ABLIM2: variants seen among roughly 807,000 people sequenced by gnomAD.
ABLIM2 encodes actin binding LIM protein family member 2, also known as actin-binding LIM protein 2.
A neutral mutation model predicts 97.7 loss-of-function variants in ABLIM2; 53 were observed. That is an observed-to-expected ratio of 0.54 (90% CI 0.44 to 0.68). ABLIM2 has a LOEUF of 0.68. Ranked by LOEUF, ABLIM2 falls within the 30% of genes least tolerant of loss-of-function variation. The pLI is 0.00. For missense variants in ABLIM2, 835 were observed against 867.2 expected, an observed-to-expected ratio of 0.96 and a Z score of 0.47; for synonymous variants, 361 against 345.8, an observed-to-expected ratio of 1.04 and a Z score of -0.49.
intron 15 of ABLIM2, among the ~76,000 whole-genome samples, chr4:8,008,487 C>T (rs527274779): frequency 6.6e-6 from 1 of 152,332 alleles, no homozygotes; most frequent in South Asian, 2.1e-4. Flanking sequence ...GGGCTCTGCA[C>T]GGGGAGAATG....
At position 8,091,330 on chromosome 4, in the gene ABLIM2, T is replaced by TA. The variant is rs375937738; in HGVS notation, c.339-3047_339-3046insT. On this transcript the variant is annotated intron_variant, in intron 3 of 20. Coordinates refer to ENST00000447017, the MANE Select transcript of ABLIM2 (RefSeq NM_001130083.2). Reference sequence around the variant, plus strand: ...TTATATATATATAATTATATATATATTATATATATAATATATATATAATTA... The same window carrying TA: ...TTATATATATATAATTATATATATATATATATATATAATATATATATAATTA... 2.1e-4 allele frequency among the ~76,000 whole-genome samples: 10 copies of TA among 46,768 alleles called. 2 individuals carry two copies. Among genetic ancestry groups the TA allele is most frequent in the South Asian group, 4.6e-4 (1 of 2,170 alleles). 30.7% of individuals were successfully genotyped at this position (46,768 alleles called of 152,430 possible). A position where few individuals can be genotyped will look rare whatever the true frequency, so the allele number is the denominator to read the frequency against.
intron 2 of ABLIM2, among the ~76,000 whole-genome samples, chr4:8,102,466 C>T (rs146696257): frequency 1.2e-4 from 19 of 152,332 alleles, no homozygotes; most frequent in Non-Finnish European, 1.9e-4. Flanking sequence ...ATCCCCATAA[C>T]GGGATGTCTG....
At chr4:8,011,589 C>T (rs757081190) in intron 14 of ABLIM2, among the ~76,000 whole-genome samples, 1 of 152,212 alleles carries the variant, frequency 6.6e-6, no homozygotes. Flanking sequence ...ACTCAGCTTA[C>T]AGGTTTGAAA....
intron 6 of ABLIM2, among the ~76,000 whole-genome samples, chr4:8,074,577 T>G (rs955342491): frequency 6.6e-6 from 1 of 152,176 alleles, no homozygotes; most frequent in Admixed American, 6.5e-5. Context: ...TAGAAAGCAA[T>G]TTATAGTAAC....
chr4:7,992,505 G>A lies in ABLIM2; in HGVS notation c.1680+361C>T, dbSNP rs544871570. 5.9e-5 allele frequency among the ~76,000 whole-genome samples: 9 copies of A among 152,208 alleles called. 1 individual carries two copies. The South Asian group carries it at 1.9e-3, about 32-fold the overall frequency. ...TCACACTGGCTCACCAAATGCAACA[G>A]CCCTTGGTTATCAGGCTCTGTGCCA... On this transcript the variant is annotated intron_variant, in intron 17 of 20. Coordinates refer to ENST00000447017, the MANE Select transcript of ABLIM2 (RefSeq NM_001130083.2). This position sits in a 1 kb window ranked among gnomAD's most constrained non-coding sequence, Gnocchi z 5.7.
chr4:8,093,039 G>C (rs1273842856), intron 3 of ABLIM2, among the ~76,000 whole-genome samples: 1 of 152,034 alleles, frequency 6.6e-6, no homozygotes, highest in East Asian at 1.9e-4. Context: ...AGTAGAGACA[G>C]GGTTTCACCA....
At position 8,010,638 on chromosome 4, in the gene ABLIM2, CCTT is replaced by C. The variant is rs1764310086; in HGVS notation, c.1424-1539_1424-1537del. On this transcript the variant is annotated intron_variant, in intron 14 of 20. Transcript: ENST00000447017. ...TTACTCTCAACGGCTACCTGTTTCT[CCTT>C]CTTCCAGGAGAGACAGTGATTTTCA... is the stretch of plus-strand genomic sequence containing the variant. 9 of 945,750 alleles carry C rather than the reference CCTT, an allele frequency of 9.5e-6. No individual in the cohort carries two copies. The Admixed American group carries it at 4.3e-4, about 45-fold the overall frequency. The allele number at this position is 945,750 out of a possible 1,614,324, so 58.6% of individuals were successfully genotyped here. A position where few individuals can be genotyped will look rare whatever the true frequency, so the allele number is the denominator to read the frequency against.
chr4:7,969,997 TAGC>T (rs2149353745), intron 20 of ABLIM2, among the ~76,000 whole-genome samples: 1 of 152,280 alleles, frequency 6.6e-6, no homozygotes, highest in African/African-American at 2.4e-5. Flanking sequence ...TCATTTAAGA[TAGC>T]AGCCCTGCAC....
chr4:8,158,805 T>C lies in ABLIM2; in HGVS notation c.-116A>G. ...GCCCGCCGGCTCCGCGCCCGCTCCTTGCGCACACGCCAGGCAGCGCCGCCG... is the reference window on the plus strand; with the variant it reads ...GCCCGCCGGCTCCGCGCCCGCTCCTCGCGCACACGCCAGGCAGCGCCGCCG... On this transcript the variant is annotated 5_prime_UTR_variant, in exon 1 of 21. Transcript: ENST00000447017. The C allele has an allele frequency of 1.1e-6, 1 of 949,138 alleles. No individual in the cohort carries two copies. The highest frequency in any genetic ancestry group is 1.3e-6 in the Non-Finnish European group (1 of 747,252). The allele number at this position is 949,138 out of a possible 1,614,324, so 58.8% of individuals were successfully genotyped here. A position where few individuals can be genotyped will look rare whatever the true frequency, so the allele number is the denominator to read the frequency against.
chr4:8,073,026 G>A lies in ABLIM2; in HGVS notation c.675+4602C>T, dbSNP rs538152004. 1.0e-3 allele frequency among the ~76,000 whole-genome samples: 153 copies of A among 152,188 alleles called. 1 individual carries two copies. Among genetic ancestry groups the A allele is most frequent in the Non-Finnish European group, 1.2e-3 (84 of 68,016 alleles). ...GGGGCCGGTGCGAAGGGAGAGGAGA[G>A]GCTGAGTCTCTGCAGTGGGGACTTC... On this transcript the variant is annotated intron_variant, in intron 6 of 20. Coordinates refer to ENST00000447017, the MANE Select transcript of ABLIM2 (RefSeq NM_001130083.2).
In ABLIM2 at chr4:8,072,445, C is replaced by T. The variant is rs913065529; in HGVS notation, c.675+5183G>A. Among the ~76,000 whole-genome samples, 2 of 152,250 alleles carry T rather than the reference C, an allele frequency of 1.3e-5. No individual in the cohort carries two copies. The highest frequency in any genetic ancestry group is 2.4e-5 in the African/African-American group (1 of 41,464). ...CAGGGCCTCTCTGGTGTGGGGGCTG[C>T]TGCCCATGGGTGTCAGAAACGCGGG... On this transcript the variant is annotated intron_variant, in intron 6 of 20. Coordinates refer to ENST00000447017, the MANE Select transcript of ABLIM2 (RefSeq NM_001130083.2). This position sits in a 1 kb window ranked among gnomAD's most constrained non-coding sequence, Gnocchi z 5.8.
chr4:8,135,515 T>C (rs759608814), intron 1 of ABLIM2, among the ~76,000 whole-genome samples: 1 of 152,122 alleles, frequency 6.6e-6, no homozygotes, highest in Non-Finnish European at 1.5e-5. Flanking sequence ...CTCAGAGAGC[T>C]CCCTCGCCCC....
chr4:8,153,786 A>C lies in ABLIM2; in HGVS notation c.10+4894T>G, dbSNP rs191419889. Among the ~76,000 whole-genome samples, 86 of 152,310 alleles carry C rather than the reference A, an allele frequency of 5.6e-4. 1 individual carries two copies. Among genetic ancestry groups the C allele is most frequent in the African/African-American group, 2.0e-3 (83 of 41,560 alleles). Reference sequence around the variant, plus strand: ...GGGCACACAATGAAGAAAACTTGGAAAACACATGGAAAGTAAAAAGGTGCA... The same window carrying C: ...GGGCACACAATGAAGAAAACTTGGACAACACATGGAAAGTAAAAAGGTGCA... On this transcript the variant is annotated intron_variant, in intron 1 of 20. Coordinates refer to ENST00000447017, the MANE Select transcript of ABLIM2 (RefSeq NM_001130083.2).
chr4:8,070,780 AGAG>A (rs1359788563), intron 6 of ABLIM2, among the ~76,000 whole-genome samples: 3 of 151,984 alleles, frequency 2.0e-5, no homozygotes, highest in Non-Finnish European at 2.9e-5. Flanking sequence ...GGAAGGAAAG[AGAG>A]GAGGGGCAGA....
At chr4:8,157,667 A>G (rs1251705202) in intron 1 of ABLIM2, among the ~76,000 whole-genome samples, 1 of 152,264 alleles carries the variant, frequency 6.6e-6, no homozygotes, top group Non-Finnish European at 1.5e-5. Context: ...CCTCAGGGGA[A>G]GCGGCTGTCC....
intron 8 of ABLIM2, among the ~76,000 whole-genome samples, chr4:8,048,605 G>A (rs1358474352): frequency 2.6e-5 from 4 of 152,296 alleles, no homozygotes; most frequent in East Asian, 1.9e-4. Flanking sequence ...GAGAATTGCC[G>A]GGACCGTCTC....
At chr4:8,081,628 CT>C (rs34341030) in intron 4 of ABLIM2, among the ~76,000 whole-genome samples, 19,287 of 152,194 alleles carry the variant, frequency 0.13, 1,237 homozygotes, top group Middle Eastern at 0.17. Context: ...TAGGGTGTGA[CT>C]GTCTAAGTAT....
intron 1 of ABLIM2, among the ~76,000 whole-genome samples, chr4:8,116,583 G>A (rs1473034574): frequency 6.6e-6 from 1 of 152,210 alleles, no homozygotes; most frequent in Non-Finnish European, 1.5e-5. Flanking sequence ...CACATCCGGG[G>A]ACTATGGTTT....
At chr4:8,091,711 T>C (rs1479123617) in intron 3 of ABLIM2, among the ~76,000 whole-genome samples, 1 of 78,720 alleles carries the variant, frequency 1.3e-5, no homozygotes, top group African/African-American at 5.2e-5. Flanking sequence ...ATACATAATA[T>C]AATTATATAA....
Sources: allele counts gnomAD v4.1 joint callset (sites outside exome capture counted in the v4.1 genomes callset), GRCh38; gene constraint gnomAD v4.1.1; non-coding constraint Gnocchi (gnomAD v3.1); transcripts MANE v1.5; gene names NCBI Gene and HGNC (gene_info 2026-07-23, HGNC 2026-07-21).